TRIP6: variants seen among roughly 807,000 people sequenced by gnomAD.
TRIP6 encodes thyroid receptor-interacting protein 6.
A neutral mutation model predicts 51.9 loss-of-function variants in TRIP6; 33 were observed. That is an observed-to-expected ratio of 0.64 (90% CI 0.48 to 0.85). The LOEUF (loss-of-function observed/expected upper bound fraction) is 0.85. Among genes scored for constraint, TRIP6 ranks in the 40% least tolerant of loss-of-function variants. The pLI is 0.00. For missense variants in TRIP6, 661 were observed against 652.1 expected, an observed-to-expected ratio of 1.01 and a Z score of -0.15; for synonymous variants, 255 against 275.8, an observed-to-expected ratio of 0.92 and a Z score of 0.75.
chr7:100,868,301 G>A (rs1275299701), intron 3 of TRIP6, 68 bp downstream of exon 3: 4 of 1,571,860 alleles, frequency 2.5e-6, no homozygotes, highest in African/African-American at 1.4e-5. Context: ...CAGCCTGATC[G>A]ATCCCCCATG....
In TRIP6 at chr7:100,868,775, G is replaced by A. The variant is rs771005276; in HGVS notation, c.644G>A (p.Ser215Asn). 1 of 1,531,080 alleles carries A rather than the reference G, an allele frequency of 6.5e-7. No homozygotes were observed. 94.8% of individuals were successfully genotyped at this position (1,531,080 alleles called of 1,614,324 possible). ...GAAGTCTGGGGGCCTGGCTATAGGA[G>A]CCAGAGAGAGCCAGGGCCAGGGGCC... ...RGEVWGPGYRSQREPGPGAKE... is the reference protein window; with the variant it reads ...RGEVWGPGYRNQREPGPGAKE... The change falls in exon 4 of 9, where the codon AGC becomes AAC. Residue 215 changes from serine (S) to asparagine (N), a missense_variant. Coordinates refer to ENST00000200457, the MANE Select transcript of TRIP6 (RefSeq NM_003302.3).
Position 100,867,675 on chromosome 7 carries a change from C to T in TRIP6, c.109+69C>T. On this transcript the variant is annotated intron_variant, in intron 1 of 8. Coordinates refer to ENST00000200457, the MANE Select transcript of TRIP6 (RefSeq NM_003302.3). The surrounding 1 kb of genome is among the most constrained non-coding windows in gnomAD (Gnocchi z 5.4). The stretch of plus-strand genomic sequence containing the variant: ...GCTCACCTCTGTCCTACCGCTCCAG[C>T]CTCCCGCCCTGGCTGCTTCCTCCTG... 6.4e-7 allele frequency: 1 copy of T among 1,564,058 alleles called. No individual in the cohort carries two copies. Among genetic ancestry groups the T allele is most frequent in the East Asian group, 2.3e-5 (1 of 43,466 alleles).
intron 8 of TRIP6, 39 bp from the exon 9 acceptor site, chr7:100,873,133 G>C: frequency 6.3e-7 from 1 of 1,597,306 alleles, no homozygotes; most frequent in East Asian, 2.3e-5. Context: ...ACAGGCGTGA[G>C]CCATCGCGCC....
intron 4 of TRIP6, 36 bp from the exon 5 acceptor site, chr7:100,870,334 G>A (rs1367400781): frequency 6.6e-7 from 1 of 1,508,954 alleles, no homozygotes; most frequent in Non-Finnish European, 8.8e-7. Flanking sequence ...AGCATCAGGA[G>A]CTAGAGTAGG....
chr7:100,868,187 A>AC lies in TRIP6; in HGVS notation c.317_318insC (p.Glu106AspfsTer19). ...GACTTGCTGAGCAGCACGCTGGCCG[A>AC]GCTGAATGGGGGTCGGGGTCATGCG... On this transcript the variant is annotated frameshift_variant, in exon 3 of 9. Coordinates refer to ENST00000200457, the MANE Select transcript of TRIP6 (RefSeq NM_003302.3). LOFTEE classifies it high-confidence loss of function. 6.2e-7 allele frequency: 1 copy of AC among 1,609,556 alleles called. No homozygotes were observed. The highest frequency in any genetic ancestry group is 1.1e-5 in the South Asian group (1 of 90,768).
rs1445883147 is a variant in TRIP6, at chr7:100,870,363, C to G, written c.736-7C>G. The G allele has an allele frequency of 1.9e-6, 3 of 1,611,206 alleles. No individual in the cohort carries two copies. Among genetic ancestry groups the G allele is most frequent in the South Asian group, 1.1e-5 (1 of 90,836 alleles). On this transcript the variant is annotated splice_region_variant and splice_polypyrimidine_tract_variant and intron_variant, in intron 4 of 8. Coordinates refer to ENST00000200457, the MANE Select transcript of TRIP6 (RefSeq NM_003302.3). ...GAGTAGGACCGAGCCCGATTCCCAC[C>G]TTCCAGGTGCCCCTGAGCCAGCCTC... is the stretch of plus-strand genomic sequence containing the variant.
chr7:100,867,408 A>T lies in TRIP6; in HGVS notation c.-90A>T. The T allele has an allele frequency of 1.0e-6, 1 of 966,606 alleles. No homozygotes were observed. The allele number at this position is 966,606 out of a possible 1,614,324, so 59.9% of individuals were successfully genotyped here. The stretch of plus-strand genomic sequence containing the variant: ...AGCCAGAAAAAGTTTTCTTTTCTGG[A>T]GTCCCAAACGAGGTGCGGGACGGAA... On this transcript the variant is annotated 5_prime_UTR_variant, in exon 1 of 9. Coordinates refer to ENST00000200457, the MANE Select transcript of TRIP6 (RefSeq NM_003302.3). The surrounding 1 kb of genome is among the most constrained non-coding windows in gnomAD (Gnocchi z 5.4).
At chr7:100,870,249 C>A in intron 4 of TRIP6, 121 bp from the exon 5 acceptor site, 1 of 932,168 alleles carries the variant, frequency 1.1e-6, no homozygotes, top group Non-Finnish European at 1.7e-6. Flanking sequence ...GCTTTGCTTG[C>A]CCATTGCTCA....
Position 100,870,460 on chromosome 7 carries a change from T to G in TRIP6, c.826T>G (p.Phe276Val), listed in dbSNP as rs541715657. ...GAACCACCCGCCCAGCGGGGAGTAC[T>G]TTGGTGAGCTGAGGCTGTGGGGTGG... ...DMNHPPSGEY[F>V]GQCGGCGEDV... The change falls in exon 5 of 9, where the codon TTT (phenylalanine) becomes GTT (valine). Residue 276 changes from phenylalanine (F) to valine (V), a missense_variant. Phe to Val is a conservative substitution (Grantham distance 50). Coordinates refer to ENST00000200457, the MANE Select transcript of TRIP6 (RefSeq NM_003302.3). 9 of 1,613,154 alleles carry G rather than the reference T, an allele frequency of 5.6e-6. No homozygotes were observed. The African/African-American group carries it at 1.2e-4, about 22-fold the overall frequency.
In TRIP6 at chr7:100,873,371, A is replaced by C; in HGVS notation, c.*68A>C. On this transcript the variant is annotated 3_prime_UTR_variant, in exon 9 of 9. Transcript: ENST00000200457. Reference sequence around the variant, plus strand: ...ATCCTTTGATTGATCACTCTCCCTGACATCCACCTGTATGACTTTGTCACC... The same window carrying C: ...ATCCTTTGATTGATCACTCTCCCTGCCATCCACCTGTATGACTTTGTCACC... 3.9e-6 allele frequency: 6 copies of C among 1,537,502 alleles called. No individual in the cohort carries two copies. The highest frequency in any genetic ancestry group is 5.3e-6 in the Non-Finnish European group (6 of 1,139,754).
Position 100,870,691 on chromosome 7 carries a change from G to T in TRIP6, c.947G>T (p.Gly316Val), listed in dbSNP as rs2115626824. Residue 316 changes from glycine to valine, a missense_variant, in exon 6 of 9, where the codon GGC (glycine) becomes GTC (valine). By Grantham distance (109) the Gly-to-Val change is moderately radical. Transcript: ENST00000200457. ...VCSTCRAQLR[G>V]QHFYAVERRA... is the part of the protein sequence containing the mutation. Reference sequence around the variant, plus strand: ...TCTACATGCCGGGCCCAGCTTCGCGGCCAGCATTTCTACGCCGTGGAGAGG... The same window carrying T: ...TCTACATGCCGGGCCCAGCTTCGCGTCCAGCATTTCTACGCCGTGGAGAGG... 2 of 1,614,116 alleles carry T rather than the reference G, an allele frequency of 1.2e-6. No individual in the cohort carries two copies. Among genetic ancestry groups the T allele is most frequent in the Non-Finnish European group, 1.7e-6 (2 of 1,179,986 alleles).
At position 100,870,414 on chromosome 7, in the gene TRIP6, G is replaced by A. The variant is rs1252226060; in HGVS notation, c.780G>A (p.Thr260=). Residue 260 remains threonine (T), a synonymous_variant, in exon 5 of 9, where the codon ACG becomes ACA. Transcript: ENST00000200457. ...QPPEDELDRL[T]KKLVHDMNHP... ...CAGAGGATGAGCTGGATAGGCTGACGAAGAAGCTGGTTCACGACATGAACC... is the reference window on the plus strand; with the variant it reads ...CAGAGGATGAGCTGGATAGGCTGACAAAGAAGCTGGTTCACGACATGAACC... 9.9e-6 allele frequency: 16 copies of A among 1,611,472 alleles called. No homozygotes were observed. The highest frequency in any genetic ancestry group is 1.7e-5 in the Admixed American group (1 of 59,986).
At chr7:100,870,962 C>G (rs367946006) in intron 6 of TRIP6, 11 of 698,456 alleles carry the variant, frequency 1.6e-5, no homozygotes, top group African/African-American at 1.2e-4. Context: ...TGTGGAGCAT[C>G]TTACAGTTAA....
chr7:100,869,695 T>A, intron 4 of TRIP6, among the ~76,000 whole-genome samples: 1 of 145,762 alleles, frequency 6.9e-6, no homozygotes, highest in Non-Finnish European at 1.5e-5. Context: ...TGTTCTCAGA[T>A]GAGCTTTCTA....
rs749440517 is a variant in TRIP6 at position 100,870,789 on chromosome 7, G to A, written c.999+46G>A. On this transcript the variant is annotated intron_variant, in intron 6 of 8. Transcript: ENST00000200457. The stretch of plus-strand genomic sequence containing the variant: ...GGAGGGAGTCAGTGGCTGGATGCAG[G>A]GGGCTTCCATCCAAGGTGGTAACTA... The A allele has an allele frequency of 1.1e-5, 18 of 1,577,770 alleles. No individual in the cohort carries two copies. In the East Asian group the frequency reaches 3.2e-4, roughly 28 times the overall value.
rs537757095 is a variant in TRIP6, at chr7:100,868,254, C to T, written c.363+21C>T. The stretch of plus-strand genomic sequence containing the variant: ...GACAGGTGACTCTGCCCCTCCTCCC[C>T]GTCAGCACCCTGCCCCCTTCTCTGG... On this transcript the variant is annotated intron_variant, in intron 3 of 8. Coordinates refer to ENST00000200457, the MANE Select transcript of TRIP6 (RefSeq NM_003302.3). 59 of 1,602,792 alleles carry T rather than the reference C, an allele frequency of 3.7e-5. No homozygotes were observed. In the Admixed American group the frequency reaches 6.5e-4, roughly 18 times the overall value.
At position 100,868,478 on chromosome 7, in the gene TRIP6, C is replaced by T. The variant is rs1815195011; in HGVS notation, c.364-17C>T. 6.2e-7 allele frequency: 1 copy of T among 1,612,998 alleles called. No homozygotes were observed. Among genetic ancestry groups the T allele is most frequent in the Non-Finnish European group, 8.5e-7 (1 of 1,179,984 alleles). ...TGGGGTCCTTGCTTACGACTTCTGG[C>T]CTGCGTTTCTCCTCAGGCATATGAG... On this transcript the variant is annotated splice_polypyrimidine_tract_variant and intron_variant, in intron 3 of 8. Transcript: ENST00000200457.
At chr7:100,871,097 G>C in intron 6 of TRIP6, 1 of 506,526 alleles carries the variant, frequency 2.0e-6, no homozygotes, top group Non-Finnish European at 3.8e-6. Flanking sequence ...GCAGTGGGGT[G>C]ATCTCTGCTC....
At chr7:100,870,270 T>C (rs913428185) in intron 4 of TRIP6, 100 bp from the exon 5 acceptor site, 50 of 1,183,358 alleles carry the variant, frequency 4.2e-5, no homozygotes, top group Middle Eastern at 2.8e-4. Flanking sequence ...GCTCCTGCTG[T>C]GTGGCCCAGT....
Sources: allele counts gnomAD v4.1 joint callset (sites outside exome capture counted in the v4.1 genomes callset), GRCh38; gene constraint gnomAD v4.1.1; non-coding constraint Gnocchi (gnomAD v3.1); transcripts MANE v1.5; gene names NCBI Gene and HGNC (gene_info 2026-07-23, HGNC 2026-07-21).